DCBLD1: variants seen among roughly 807,000 people sequenced by gnomAD.
The protein encoded by DCBLD1 is discoidin, CUB and LCCL domain containing 1.
DCBLD1 carries 57 observed loss-of-function variants against 71.5 expected under a neutral mutation model. The ratio of observed to expected loss-of-function variants is 0.80; its 90% CI spans 0.64 to 0.99. The LOEUF (loss-of-function observed/expected upper bound fraction) is 0.99. DCBLD1 is among the 50% of genes least tolerant of loss of function. The probability of loss-of-function intolerance (pLI) is 0.00; values close to 1 mark genes in which losing one functional copy is unlikely to be tolerated. For synonymous variants in DCBLD1, 380 were observed against 363.8 expected (o/e 1.04, Z -0.51); for missense variants, 891 against 923.5 (o/e 0.96, Z 0.46).
At chr6:117,536,492 G>A (rs1391355959) in intron 6 of DCBLD1, among the ~76,000 whole-genome samples, 1 of 152,208 alleles carries the variant, frequency 6.6e-6, no homozygotes, top group Admixed American at 6.5e-5. Context: ...TGAGGCTGAT[G>A]CAATCATTTC....
chr6:117,535,452 A>G (rs1389922757), intron 6 of DCBLD1, among the ~76,000 whole-genome samples: 1 of 152,078 alleles, frequency 6.6e-6, no homozygotes, highest in Non-Finnish European at 1.5e-5. Flanking sequence ...TAACCTCCCT[A>G]GGGTGTTTTT....
chr6:117,563,170 T>G, intron 14 of DCBLD1: 1 of 1,297,268 alleles, frequency 7.7e-7, no homozygotes, highest in Non-Finnish European at 1.1e-6. Flanking sequence ...CCTCCCCTGA[T>G]TTTGTAGTCT....
intron 4 of DCBLD1, among the ~76,000 whole-genome samples, chr6:117,523,168 C>T (rs1410768664): frequency 2.6e-5 from 4 of 152,114 alleles, no homozygotes; most frequent in Non-Finnish European, 5.9e-5. Flanking sequence ...TTCCTGTTCT[C>T]CTAAAGAAAG....
In DCBLD1 at chr6:117,522,732, C is replaced by G. The variant is rs1334868815; in HGVS notation, c.512+1156C>G. On this transcript the variant is annotated intron_variant, in intron 4 of 14. Coordinates refer to ENST00000338728, the MANE Select transcript of DCBLD1 (RefSeq NM_001366458.2). Reference sequence around the variant, plus strand: ...AATCATGGCACCCAGCTATGACTCTCTAGAGTGCTTTCCTAGTGCTCGATA... The same window carrying G: ...AATCATGGCACCCAGCTATGACTCTGTAGAGTGCTTTCCTAGTGCTCGATA... 3.3e-5 allele frequency among the ~76,000 whole-genome samples: 5 copies of G among 152,154 alleles called. No individual in the cohort carries two copies. In the South Asian group the frequency reaches 6.2e-4, roughly 19 times the overall value.
chr6:117,487,334 C>T (rs776720000), intron 1 of DCBLD1, among the ~76,000 whole-genome samples: 4 of 152,052 alleles, frequency 2.6e-5, no homozygotes, highest in Non-Finnish European at 5.9e-5. Context: ...ACTCTAGTTA[C>T]GAAATCAAAA....
intron 1 of DCBLD1, among the ~76,000 whole-genome samples, chr6:117,485,315 G>A (rs1777048958): frequency 6.6e-6 from 1 of 152,194 alleles, no homozygotes; most frequent in South Asian, 2.1e-4. Context: ...ATCAAAATGA[G>A]CGCTTGATCT....
intron 3 of DCBLD1, 60 bp downstream of exon 3, chr6:117,520,010 C>G: frequency 1.9e-6 from 3 of 1,594,594 alleles, no homozygotes; most frequent in Non-Finnish European, 2.6e-6. Flanking sequence ...TTCCTCTTGC[C>G]ACTTATCCCC....
downstream of DCBLD1, among the ~76,000 whole-genome samples, chr6:117,554,626 G>T (rs1044421977): frequency 1.2e-4 from 18 of 152,266 alleles, no homozygotes; most frequent in African/African-American, 1.9e-4. Flanking sequence ...CAGGTGCAGT[G>T]GCTCATGCCT....
chr6:117,541,313 C>CA lies in DCBLD1; in HGVS notation c.1357+298dup, dbSNP rs5879425. Among the ~76,000 whole-genome samples, 145 of 148,864 alleles carry CA rather than the reference C, an allele frequency of 9.7e-4. 1 individual carries two copies. Among genetic ancestry groups the CA allele is most frequent in the Admixed American group, 2.1e-3 (31 of 14,924 alleles). On this transcript the variant is annotated intron_variant, in intron 11 of 14. Transcript: ENST00000338728. ...TGCAGTGGAACACTCTGCAGCCATA[C>CA]AAAAAAAAAATGGAAATATAGAAAT...
intron 1 of DCBLD1, among the ~76,000 whole-genome samples, chr6:117,489,027 T>C (rs937533870): frequency 3.9e-5 from 6 of 152,214 alleles, no homozygotes; most frequent in Non-Finnish European, 8.8e-5. Context: ...TTGTGTCTTG[T>C]ATATAATTAT....
chr6:117,517,542 C>T (rs1778243885), intron 2 of DCBLD1, among the ~76,000 whole-genome samples: 1 of 152,236 alleles, frequency 6.6e-6, no homozygotes, highest in African/African-American at 2.4e-5. Flanking sequence ...TCTGACCCCA[C>T]ATTTCCCTTC....
rs1420774508 is a variant in DCBLD1, at chr6:117,562,750, A to C, written c.1616-6870A>C. On this transcript the variant is annotated intron_variant, in intron 14 of 14. Coordinates refer to the DCBLD1 transcript ENST00000296955. ...TTAGGATGCACAATAAATTTTTTTA[A>C]GTCTAAAGCCTTTCAGTTACAAAAA... The C allele has an allele frequency of 6.7e-5, 14 of 207,812 alleles. No homozygotes were observed. The East Asian group carries it at 1.0e-3, about 15-fold the overall frequency. 12.9% of individuals were successfully genotyped at this position (207,812 alleles called of 1,614,324 possible).
At chr6:117,519,182 C>G (rs1271063719) in intron 2 of DCBLD1, among the ~76,000 whole-genome samples, 1 of 152,140 alleles carries the variant, frequency 6.6e-6, no homozygotes, top group Admixed American at 6.5e-5. Flanking sequence ...ATTGAGATCC[C>G]TATTGCTTTT....
In DCBLD1 at chr6:117,561,829, T is replaced by C. The variant is rs993017220; in HGVS notation, c.1616-7791T>C. ...ACAGTTAAAACATTAAATTTATAAA[T>C]AGCAAAACCACAAAATAAAGTATAT... On this transcript the variant is annotated intron_variant, in intron 14 of 14. Transcript: ENST00000296955. 2.8e-4 allele frequency: 58 copies of C among 206,300 alleles called. 1 individual carries two copies. The highest frequency in any genetic ancestry group is 1.3e-3 in the African/African-American group (57 of 43,810). The allele number at this position is 206,300 out of a possible 1,614,324, so 12.8% of individuals were successfully genotyped here. A position where few individuals can be genotyped will look rare whatever the true frequency, so the allele number is the denominator to read the frequency against.
At chr6:117,533,893 C>T (rs896096389) in intron 6 of DCBLD1, among the ~76,000 whole-genome samples, 4 of 151,004 alleles carry the variant, frequency 2.6e-5, no homozygotes, top group Non-Finnish European at 4.4e-5. Flanking sequence ...GTTCAGGGGT[C>T]GGGGTGAGAG....
At chr6:117,544,665 C>T (rs1256280071) in intron 13 of DCBLD1, 88 bp downstream of exon 13, 3 of 1,445,646 alleles carry the variant, frequency 2.1e-6, no homozygotes, top group South Asian at 1.2e-5. Context: ...GCCAGTGGCC[C>T]ACATTTATTT....
At chr6:117,533,902 A>G (rs210652) in intron 6 of DCBLD1, among the ~76,000 whole-genome samples, 107,560 of 151,880 alleles carry the variant, frequency 0.71, 39,201 homozygotes, top group African/African-American at 0.87. Flanking sequence ...TCGGGGTGAG[A>G]GTAACTAGAG....
intron 14 of DCBLD1, chr6:117,562,586 T>TCA (rs1779606945): frequency 4.9e-6 from 1 of 202,274 alleles, no homozygotes; most frequent in African/African-American, 2.3e-5. Flanking sequence ...GTAAAATGTT[T>TCA]AGTAACTTTT....
At chr6:117,527,008 G>A (rs1038530072) in intron 5 of DCBLD1, among the ~76,000 whole-genome samples, 2 of 152,146 alleles carry the variant, frequency 1.3e-5, no homozygotes, top group African/African-American at 4.8e-5. Context: ...GGTGTTGACA[G>A]CATTCAGTTA....
Sources: gnomAD v4.1 joint callset for allele counts (sites outside exome capture counted in the v4.1 genomes callset) on GRCh38, gnomAD v4.1.1 for gene constraint, MANE v1.5 for transcripts, NCBI Gene and HGNC (gene_info 2026-07-23, HGNC 2026-07-21) for gene names.